NINJ1: variants seen among roughly 807,000 people sequenced by gnomAD.
NINJ1 encodes ninjurin 1.
Under a neutral mutation model 12.7 loss-of-function variants are expected in NINJ1, and 6 were observed. The observed-to-expected ratio is 0.47, with a 90% CI of 0.26 to 0.93. The LOEUF (loss-of-function observed/expected upper bound fraction) is 0.93. Among genes scored for constraint, NINJ1 ranks in the 40% least tolerant of loss-of-function variants. The pLI, the probability that NINJ1 is intolerant of heterozygous loss-of-function variation, is 0.15. For missense variants in NINJ1, 170 were observed against 213.0 expected (o/e 0.80, Z 1.26); for synonymous variants, 100 against 96.0 (o/e 1.04, Z -0.25).
intron 1 of NINJ1, among the ~76,000 whole-genome samples, chr9:93,133,131 A>C (rs1243505869): frequency 6.6e-6 from 1 of 152,130 alleles, no homozygotes; most frequent in Non-Finnish European, 1.5e-5. Flanking sequence ...CTGCAGTGCG[A>C]CAGCTCCTCT....
At chr9:93,133,791 G>A (rs1444376876) in intron 1 of NINJ1, among the ~76,000 whole-genome samples, 1 of 152,036 alleles carries the variant, frequency 6.6e-6, no homozygotes, top group East Asian at 1.9e-4. Context: ...AGAGGCCCGC[G>A]CGAGAGTGGG....
intron 2 of NINJ1, 116 bp downstream of exon 2, chr9:93,126,294 A>C (rs1228836154): frequency 3.7e-6 from 3 of 804,396 alleles, no homozygotes; most frequent in African/African-American, 1.7e-5. Context: ...AGGGCCAGGA[A>C]CTCGGCAGCT....
Position 93,124,276 on chromosome 9 carries a change from G to T in NINJ1, c.*9+623C>A, listed in dbSNP as rs552056478. Among the ~76,000 whole-genome samples the T allele has an allele frequency of 6.6e-5, 10 of 152,258 alleles. No homozygotes were observed. The South Asian group carries it at 1.9e-3, about 28-fold the overall frequency. On this transcript the variant is annotated intron_variant, in intron 3 of 3. Transcript: ENST00000375446. ...TATCAAGAGAAGCCGGAAATCTTTGGGTTTTGGGTGTTTTTTGAGACAGAG... is the reference window on the plus strand; with the variant it reads ...TATCAAGAGAAGCCGGAAATCTTTGTGTTTTGGGTGTTTTTTGAGACAGAG...
At position 93,122,820 on chromosome 9, in the gene NINJ1, G is replaced by A. The variant is rs1177658990; in HGVS notation, c.*10-590C>T. ...TTAAGGTCCACTGCTGGGTCCCCAC[G>A]TGGCCCACAGACGCAGCACCCTCTT... On this transcript the variant is annotated intron_variant, in intron 3 of 3. Transcript: ENST00000375446. 3.3e-5 allele frequency among the ~76,000 whole-genome samples: 5 copies of A among 152,218 alleles called. No homozygotes were observed. In the East Asian group the frequency reaches 7.7e-4, roughly 23 times the overall value.
At chr9:93,128,850 GAC>G (rs139373094) in intron 1 of NINJ1, among the ~76,000 whole-genome samples, 10,877 of 152,260 alleles carry the variant, frequency 0.071, 652 homozygotes, top group East Asian at 0.24. Flanking sequence ...ATAGACGTGA[GAC>G]ACACATGTGC....
At chr9:93,133,445 C>A (rs1435593928) in intron 1 of NINJ1, among the ~76,000 whole-genome samples, 1 of 152,226 alleles carries the variant, frequency 6.6e-6, no homozygotes, top group Non-Finnish European at 1.5e-5. Flanking sequence ...TCAGTAAGTG[C>A]TGAGTCCTGG....
At chr9:93,126,660 G>C in intron 1 of NINJ1, 22 bp from the exon 2 acceptor site, 1 of 1,558,778 alleles carries the variant, frequency 6.4e-7, no homozygotes, top group South Asian at 1.2e-5. Flanking sequence ...GGAATGGTCA[G>C]CAAGGCGGGT....
chr9:93,130,349 T>G (rs1827874867), intron 1 of NINJ1, among the ~76,000 whole-genome samples: 1 of 152,166 alleles, frequency 6.6e-6, no homozygotes, highest in African/African-American at 2.4e-5. Flanking sequence ...CAGGAGGGGC[T>G]GGCACAGAAG....
chr9:93,123,939 G>A (rs574093295), intron 3 of NINJ1, among the ~76,000 whole-genome samples: 14 of 152,360 alleles, frequency 9.2e-5, no homozygotes, highest in Admixed American at 5.9e-4. Context: ...GGCTGTATGT[G>A]GTGTGAGAAG....
intron 1 of NINJ1, among the ~76,000 whole-genome samples, chr9:93,130,275 A>G (rs1183027307): frequency 6.6e-6 from 1 of 152,164 alleles, no homozygotes; most frequent in African/African-American, 2.4e-5. Flanking sequence ...TGCAGGCTGC[A>G]CATGTTGGGG....
rs564539383 is a variant in NINJ1, at chr9:93,122,931, A to G, written c.*10-701T>C. ...GGTGATTAATAAATGGCCTGGCCAC[A>G]TGCCCAAGCCAGGGAGCAGCTGACA... On this transcript the variant is annotated intron_variant, in intron 3 of 3. Transcript: ENST00000375446. Among the ~76,000 whole-genome samples, 5 of 152,384 alleles carry G rather than the reference A, an allele frequency of 3.3e-5. No homozygotes were observed. In the South Asian group the frequency reaches 1.0e-3, roughly 32 times the overall value.
chr9:93,131,062 G>C (rs890612248), intron 1 of NINJ1, among the ~76,000 whole-genome samples: 1 of 152,246 alleles, frequency 6.6e-6, no homozygotes, highest in African/African-American at 2.4e-5. Context: ...GGCATCCCTT[G>C]TCTGACCCAC....
rs1026819526 is a variant in NINJ1 at position 93,129,137 on chromosome 9, C to T, written c.76-2499G>A. Reference sequence around the variant, plus strand: ...ACGAGGAGCCTGTGCCCCTGCTGTCCTCATGCCCACTTAAGGTGGGTAAAC... The same window carrying T: ...ACGAGGAGCCTGTGCCCCTGCTGTCTTCATGCCCACTTAAGGTGGGTAAAC... On this transcript the variant is annotated intron_variant, in intron 1 of 3. Transcript: ENST00000375446. Among the ~76,000 whole-genome samples the T allele has an allele frequency of 3.3e-5, 5 of 151,708 alleles. No individual in the cohort carries two copies. The Admixed American group carries it at 3.3e-4, about 10-fold the overall frequency.
chr9:93,126,983 C>T (rs1031793791), intron 1 of NINJ1, among the ~76,000 whole-genome samples: 11 of 152,124 alleles, frequency 7.2e-5, no homozygotes, highest in African/African-American at 2.2e-4. Context: ...TCTGTGCCCC[C>T]GGCCTCCTCT....
At position 93,134,128 on chromosome 9, in the gene NINJ1, G is replaced by T; in HGVS notation, c.75+15C>A. On this transcript the variant is annotated intron_variant, in intron 1 of 3. Transcript: ENST00000375446. ...GGCCTGGCAAGATCATGCAGCGGTG[G>T]GGGGAAGGTCTTACCGAGGCGTCCG... is the stretch of plus-strand genomic sequence containing the variant. The T allele has an allele frequency of 4.5e-6, 7 of 1,544,818 alleles. No individual in the cohort carries two copies. The highest frequency in any genetic ancestry group is 5.2e-6 in the Non-Finnish European group (6 of 1,142,870).
At chr9:93,124,338 G>A (rs972223143) in intron 3 of NINJ1, among the ~76,000 whole-genome samples, 1 of 152,162 alleles carries the variant, frequency 6.6e-6, no homozygotes, top group Non-Finnish European at 1.5e-5. Context: ...GCAGTAGTAC[G>A]ATCTTAGCTC....
rs770966966 is a variant in NINJ1 at position 93,124,965 on chromosome 9, G to A, written c.402C>T (p.Ile134=). The part of the protein sequence containing the change: ...GLVFIIVVVN[I]FITAFGVQKP... ...TCTGGACCCCGAAGGCCGTGATGAA[G>A]ATGTTGACTACCACGATGATGAACA... Residue 134 remains isoleucine (I), a synonymous_variant, in exon 3 of 4, where the codon ATC becomes ATT. Coordinates refer to ENST00000375446, the MANE Select transcript of NINJ1 (RefSeq NM_004148.4). The A allele has an allele frequency of 6.2e-6, 10 of 1,614,022 alleles. No individual in the cohort carries two copies. The Admixed American group carries it at 1.5e-4, about 24-fold the overall frequency.
At chr9:93,133,004 C>A (rs1426462149) in intron 1 of NINJ1, among the ~76,000 whole-genome samples, 1 of 152,224 alleles carries the variant, frequency 6.6e-6, no homozygotes, top group Non-Finnish European at 1.5e-5. Context: ...AAAGGCCCAG[C>A]GAGGTGTGGC....
chr9:93,128,622 G>A (rs1045360169), intron 1 of NINJ1, among the ~76,000 whole-genome samples: 2 of 152,246 alleles, frequency 1.3e-5, no homozygotes, highest in South Asian at 4.1e-4. Context: ...TGGCCACAGT[G>A]GGCATGTGCT....
Sources: allele counts gnomAD v4.1 joint callset (sites outside exome capture counted in the v4.1 genomes callset), GRCh38; gene constraint gnomAD v4.1.1; transcripts MANE v1.5; gene names NCBI Gene and HGNC (gene_info 2026-07-23, HGNC 2026-07-21).